The following UBE2Q2 variants were observed in gnomAD, a reference collection of about 807,000 sequenced individuals.
UBE2Q2 encodes ubiquitin conjugating enzyme E2 Q2, also known as ubiquitin-conjugating enzyme E2 Q2.
A neutral mutation model predicts 59.9 loss-of-function variants in UBE2Q2; 54 were observed. The observed-to-expected ratio is 0.90, with a 90% CI of 0.72 to 1.13. The LOEUF is 1.13. UBE2Q2 is among the 50% of genes most tolerant of loss of function. The probability of loss-of-function intolerance (pLI) is 0.00; values close to 1 mark genes in which losing one functional copy is unlikely to be tolerated. For missense variants in UBE2Q2, 433 were observed against 441.9 expected, an observed-to-expected ratio of 0.98 and a Z score of 0.18; for synonymous variants, 165 against 155.2, an observed-to-expected ratio of 1.06 and a Z score of -0.47.
intron 1 of UBE2Q2, among the ~76,000 whole-genome samples, chr15:75,845,084 C>A (rs989054014): frequency 6.6e-6 from 1 of 152,032 alleles, no homozygotes; most frequent in Non-Finnish European, 1.5e-5. Context: ...GCTCTCAGAA[C>A]TCAGTCTTCT....
At chr15:75,884,186 A>G (rs1459154378) in intron 9 of UBE2Q2, among the ~76,000 whole-genome samples, 1 of 152,252 alleles carries the variant, frequency 6.6e-6, no homozygotes, top group African/African-American at 2.4e-5. Context: ...CCCTCAAAGT[A>G]TGAGCAGTTT....
Position 75,855,520 on chromosome 15 carries a change from C to G in UBE2Q2, c.282+1033C>G, listed in dbSNP as rs946541431. On this transcript the variant is annotated intron_variant, in intron 2 of 12. Coordinates refer to ENST00000267938, the MANE Select transcript of UBE2Q2 (RefSeq NM_173469.4). ...AAAAAAAAAAATTACTGTATTTTCC[C>G]ATGATGTCATACAGTCTTTATAGAA... Among the ~76,000 whole-genome samples, 3 of 151,926 alleles carry G rather than the reference C, an allele frequency of 2.0e-5. No homozygotes were observed. In the East Asian group the frequency reaches 5.8e-4, roughly 29 times the overall value.
intron 8 of UBE2Q2, among the ~76,000 whole-genome samples, chr15:75,882,007 ATGT>A (rs1042448836): frequency 6.6e-6 from 1 of 152,144 alleles, no homozygotes; most frequent in African/African-American, 2.4e-5. Flanking sequence ...ATGAGGGTTG[ATGT>A]TATCTTGTCT....
chr15:75,868,934 TTC>T lies in UBE2Q2; in HGVS notation c.388-15_388-14del, dbSNP rs1413767172. 6.2e-7 allele frequency: 1 copy of T among 1,612,254 alleles called. No homozygotes were observed. The highest frequency in any genetic ancestry group is 1.3e-5 in the African/African-American group (1 of 74,862). ...ATTTGTTCTGTATAGCCCTGGCAGA[TTC>T]TTTCTCTGTTTCAGAATGGGACAAC... On this transcript the variant is annotated splice_polypyrimidine_tract_variant and intron_variant, in intron 3 of 12. Coordinates refer to ENST00000267938, the MANE Select transcript of UBE2Q2 (RefSeq NM_173469.4).
intron 9 of UBE2Q2, among the ~76,000 whole-genome samples, chr15:75,890,126 C>G (rs879865254): frequency 1.3e-5 from 2 of 152,216 alleles, no homozygotes; most frequent in Non-Finnish European, 2.9e-5. Context: ...GAAACTGATT[C>G]TTCTGCCCCT....
chr15:75,890,858 G>T, intron 10 of UBE2Q2, 61 bp from the exon 11 acceptor site: 1 of 1,427,450 alleles, frequency 7.0e-7, no homozygotes. Flanking sequence ...ATTTTGTTAG[G>T]CCTTCCCAAG....
At position 75,854,427 on chromosome 15, in the gene UBE2Q2, T is replaced by C; in HGVS notation, c.222T>C (p.Ser74=). The stretch of plus-strand genomic sequence containing the variant: ...CTTCACCGATATGGTTTGTGGATTC[T>C]GAAGACCCAAATCTGACATCAGTTC... The part of the protein sequence containing the change: ...PSSSPIWFVD[S]EDPNLTSVLE... Residue 74 remains serine (S), a synonymous_variant, in exon 2 of 13, where the codon TCT becomes TCC. Coordinates refer to ENST00000267938, the MANE Select transcript of UBE2Q2 (RefSeq NM_173469.4). 1 of 1,613,596 alleles carries C rather than the reference T, an allele frequency of 6.2e-7. No homozygotes were observed. Among genetic ancestry groups the C allele is most frequent in the South Asian group, 1.1e-5 (1 of 91,034 alleles).
chr15:75,891,538 A>G (rs335712), intron 11 of UBE2Q2, among the ~76,000 whole-genome samples: 149,121 of 151,500 alleles, frequency 0.98, 73,431 homozygotes, highest in East Asian at 1. Context: ...AACTTAAAAA[A>G]TAGGTGCTAT....
At position 75,875,955 on chromosome 15, in the gene UBE2Q2, A is replaced by C. The variant is rs572787571; in HGVS notation, c.589-232A>C. On this transcript the variant is annotated intron_variant, in intron 5 of 12. Coordinates refer to ENST00000267938, the MANE Select transcript of UBE2Q2 (RefSeq NM_173469.4). ...GTGGTGCGCACCTGTAGTCTCAGCT[A>C]CTTGGGAGGCTGAGGCAGGAGAATC... 4.6e-4 allele frequency among the ~76,000 whole-genome samples: 70 copies of C among 151,208 alleles called. 2 individuals are homozygous for C. In the South Asian group the frequency reaches 0.01, roughly 22 times the overall value.
At chr15:75,894,630 T>C (rs911260286) in intron 11 of UBE2Q2, among the ~76,000 whole-genome samples, 4 of 151,954 alleles carry the variant, frequency 2.6e-5, no homozygotes, top group Admixed American at 1.3e-4. Flanking sequence ...ATTAAAGATA[T>C]ACAAGCAGAA....
intron 3 of UBE2Q2, among the ~76,000 whole-genome samples, chr15:75,861,108 A>G (rs576965130): frequency 1.3e-5 from 2 of 152,320 alleles, no homozygotes; most frequent in African/African-American, 4.8e-5. Context: ...ATTAGTACCT[A>G]TGTTTTGGGG....
chr15:75,895,601 G>A (rs530973224), intron 11 of UBE2Q2, among the ~76,000 whole-genome samples: 6 of 152,112 alleles, frequency 3.9e-5, no homozygotes, highest in African/African-American at 1.4e-4. Flanking sequence ...GGTATAAAAA[G>A]TCTGTTTACA....
chr15:75,873,589 A>G (rs758627569), intron 5 of UBE2Q2, 21 bp downstream of exon 5: 1 of 1,595,558 alleles, frequency 6.3e-7, no homozygotes, highest in African/African-American at 1.4e-5. Flanking sequence ...GTAGATATCT[A>G]GAACCTGGAC....
chr15:75,853,557 G>C (rs1896748035), intron 1 of UBE2Q2, among the ~76,000 whole-genome samples: 1 of 151,900 alleles, frequency 6.6e-6, no homozygotes, highest in South Asian at 2.1e-4. Flanking sequence ...GCATTTCTTG[G>C]TAGTACTTGG....
chr15:75,895,982 T>G (rs967267367), intron 11 of UBE2Q2, among the ~76,000 whole-genome samples: 1 of 152,230 alleles, frequency 6.6e-6, no homozygotes, highest in Non-Finnish European at 1.5e-5. Context: ...GGGGACTGAT[T>G]AAATATTTGA....
At chr15:75,889,300 A>C (rs1048071065) in intron 9 of UBE2Q2, among the ~76,000 whole-genome samples, 5 of 152,172 alleles carry the variant, frequency 3.3e-5, no homozygotes, top group Non-Finnish European at 5.9e-5. Flanking sequence ...GGTTTGGGCA[A>C]AGCAAGTGGG....
rs968639858 is a variant in UBE2Q2 at position 75,868,865 on chromosome 15, G to C, written c.388-86G>C. 5 of 1,149,150 alleles carry C rather than the reference G, an allele frequency of 4.4e-6. No individual in the cohort carries two copies. In the African/African-American group the frequency reaches 7.7e-5, roughly 18 times the overall value. The allele number at this position is 1,149,150 out of a possible 1,614,324, so 71.2% of individuals were successfully genotyped here. A position where few individuals can be genotyped will look rare whatever the true frequency, so the allele number is the denominator to read the frequency against. On this transcript the variant is annotated intron_variant, in intron 3 of 12. Coordinates refer to ENST00000267938, the MANE Select transcript of UBE2Q2 (RefSeq NM_173469.4). ...AGTGGGACTCCAGTGACAGATGTTT[G>C]AGAGTTTGTGGCACCAGTCTTCTAA...
intron 3 of UBE2Q2, among the ~76,000 whole-genome samples, chr15:75,860,811 C>T (rs1044711177): frequency 2.0e-5 from 3 of 152,174 alleles, no homozygotes; most frequent in African/African-American, 7.2e-5. Context: ...CATCTGCTCT[C>T]CTACAGTAGA....
intron 8 of UBE2Q2, among the ~76,000 whole-genome samples, chr15:75,882,669 G>T (rs1898498932): frequency 6.6e-6 from 1 of 151,964 alleles, no homozygotes; most frequent in South Asian, 2.1e-4. Flanking sequence ...TTGGTATCTT[G>T]TGTCATTAAG....
Sources: gnomAD v4.1 joint callset for allele counts (sites outside exome capture counted in the v4.1 genomes callset) on GRCh38, gnomAD v4.1.1 for gene constraint, MANE v1.5 for transcripts, NCBI Gene and HGNC (gene_info 2026-07-23, HGNC 2026-07-21) for gene names.